DHRS12: variants seen among roughly 807,000 people sequenced by gnomAD.
DHRS12 encodes the protein dehydrogenase/reductase SDR family member 12.
Under a neutral mutation model 32.1 loss-of-function variants are expected in DHRS12, and 29 were observed. The observed-to-expected ratio is 0.90, with a 90% CI of 0.67 to 1.23. The LOEUF is 1.23. Among genes scored for constraint, DHRS12 ranks in the 50% most tolerant of loss-of-function variants. DHRS12 has a pLI of 0.00. For synonymous variants in DHRS12, 150 were observed against 135.9 expected, an observed-to-expected ratio of 1.10 and a Z score of -0.72; for missense variants, 330 against 337.2, an observed-to-expected ratio of 0.98 and a Z score of 0.17.
At chr13:51,776,857 G>A (rs1487252066) in intron 5 of DHRS12, among the ~76,000 whole-genome samples, 1 of 152,094 alleles carries the variant, frequency 6.6e-6, no homozygotes, top group Admixed American at 6.6e-5. Context: ...TCGGGGGTTG[G>A]GGGGGTTCAG....
intron 7 of DHRS12, chr13:51,770,667 A>T: frequency 1.3e-6 from 1 of 795,212 alleles, no homozygotes. Context: ...GTGAGGACTA[A>T]TTTCTGCCAA....
chr13:51,769,307 G>A lies in DHRS12; in HGVS notation c.560-14C>T. 1 of 1,539,038 alleles carries A rather than the reference G, an allele frequency of 6.5e-7. No homozygotes were observed. On this transcript the variant is annotated splice_polypyrimidine_tract_variant and intron_variant, in intron 7 of 8. Transcript: ENST00000444610. Reference sequence around the variant, plus strand: ...CCTGCCTCACACCTGGGAGAAGGAAGGGTCAGGCGGATTAGGACAGCATTC... The same window carrying A: ...CCTGCCTCACACCTGGGAGAAGGAAAGGTCAGGCGGATTAGGACAGCATTC...
chr13:51,767,107 G>C (rs1207997222), downstream of DHRS12: 1 of 152,270 alleles, frequency 6.6e-6, no homozygotes, highest in African/African-American at 2.4e-5. Context: ...GCCAGGGAAA[G>C]CCTCATTTAA....
chr13:51,758,132 A>G, the DHRS12 span: 15 of 1,279,596 alleles, frequency 1.2e-5, no homozygotes, highest in African/African-American at 1.4e-5. Context: ...GTCATCCTAG[A>G]TCTCTCTCAT....
At chr13:51,754,883 T>C in the DHRS12 span, among the ~76,000 whole-genome samples, 52 of 152,358 alleles carry the variant, frequency 3.4e-4, no homozygotes, top group African/African-American at 1.2e-3. Context: ...TATTTGTTTT[T>C]ACTACATAAT....
rs922781431 is a variant in DHRS12, at chr13:51,803,954, G to A, written c.-9+100C>T. The stretch of plus-strand genomic sequence containing the variant: ...ACACGCTTAGTCGGCCCAGCGAGAG[G>A]GCGAAGGAGCCGCGGGCGCGTCCCC... On this transcript the variant is annotated intron_variant, in intron 1 of 8. Transcript: ENST00000444610. 8 of 1,142,000 alleles carry A rather than the reference G, an allele frequency of 7.0e-6. No individual in the cohort carries two copies. In the African/African-American group the frequency reaches 1.1e-4, roughly 16 times the overall value. 70.7% of individuals were successfully genotyped at this position (1,142,000 alleles called of 1,614,324 possible).
intron 4 of DHRS12, among the ~76,000 whole-genome samples, chr13:51,787,797 T>TAATATATAATATATA (rs10657566): frequency 7.9e-6 from 1 of 125,988 alleles, no homozygotes; most frequent in African/African-American, 3.0e-5. Flanking sequence ...AATATATTAA[T>TAATATATAATATATA]ATATATTTAT....
At chr13:51,785,600 C>T (rs1345679305) in intron 4 of DHRS12, among the ~76,000 whole-genome samples, 1 of 152,166 alleles carries the variant, frequency 6.6e-6, no homozygotes, top group African/African-American at 2.4e-5. Flanking sequence ...TGAGAATATA[C>T]GTTGGCCAGA....
At chr13:51,757,500 C>A in the DHRS12 span, among the ~76,000 whole-genome samples, 1 of 151,396 alleles carries the variant, frequency 6.6e-6, no homozygotes, top group Middle Eastern at 3.2e-3. Flanking sequence ...GTGGAGTGGG[C>A]CCCTTGAAGC....
chr13:51,774,018 C>T lies in DHRS12; in HGVS notation c.380G>A (p.Gly127Glu), dbSNP rs1437899428. The part of the protein sequence containing the change: ...HDPRVITVSS[G>E]GMLVQKLNTN... ...GTTCAGTTTCTGAACCAACATTCCT[C>T]CTGAGGAGACGGTTATCTGCAATAA... The change falls in exon 6 of 9, where the codon GGA becomes GAA. Residue 127 changes from glycine (G) to glutamate (E), a missense_variant. By Grantham distance (98) the Gly-to-Glu change is moderately conservative. Coordinates refer to ENST00000444610, the MANE Select transcript of DHRS12 (RefSeq NM_001377533.1). 6.2e-7 allele frequency: 1 copy of T among 1,613,930 alleles called. No individual in the cohort carries two copies. The highest frequency in any genetic ancestry group is 1.7e-5 in the Admixed American group (1 of 60,016).
chr13:51,791,397 A>C, intron 2 of DHRS12, 140 bp from the exon 3 acceptor site: 1 of 457,302 alleles, frequency 2.2e-6, no homozygotes, highest in East Asian at 3.5e-5. Flanking sequence ...CCCACTCCTC[A>C]AAAATAAACC....
At chr13:51,792,449 G>C (rs1334504794) in intron 2 of DHRS12, among the ~76,000 whole-genome samples, 3 of 151,882 alleles carry the variant, frequency 2.0e-5, no homozygotes, top group Admixed American at 2.0e-4. Context: ...GCCCAGGCTA[G>C]AGTGCAGTGG....
At chr13:51,796,963 TCTC>T (rs1360651259) in intron 2 of DHRS12, among the ~76,000 whole-genome samples, 1 of 152,196 alleles carries the variant, frequency 6.6e-6, no homozygotes, top group Non-Finnish European at 1.5e-5. Context: ...GGGGCATTCT[TCTC>T]TTTGACCAGG....
chr13:51,773,433 G>T (rs927582860), intron 6 of DHRS12, among the ~76,000 whole-genome samples: 1 of 152,114 alleles, frequency 6.6e-6, no homozygotes, highest in African/African-American at 2.4e-5. Flanking sequence ...TTGGATTTTG[G>T]AGCATTTTGG....
intron 2 of DHRS12, chr13:51,798,056 G>A: frequency 1.3e-6 from 1 of 761,322 alleles, no homozygotes; most frequent in South Asian, 1.7e-5. Context: ...AGAGCAGCAA[G>A]GGCGATGGTG....
intron 3 of DHRS12, 67 bp downstream of exon 3, chr13:51,791,098 C>A: frequency 8.8e-7 from 1 of 1,133,346 alleles, no homozygotes; most frequent in Non-Finnish European, 1.3e-6. Flanking sequence ...ACATATCCGT[C>A]CACATCCACA....
chr13:51,794,613 G>C (rs552717484), intron 2 of DHRS12, among the ~76,000 whole-genome samples: 7 of 152,210 alleles, frequency 4.6e-5, no homozygotes, highest in Admixed American at 3.9e-4. Context: ...GAGGCCTGCA[G>C]GACTGAAAAA....
chr13:51,771,952 G>A, intron 6 of DHRS12, 41 bp from the exon 7 acceptor site: 1 of 1,600,318 alleles, frequency 6.2e-7, no homozygotes, highest in Non-Finnish European at 8.6e-7. Context: ...GAGAGAGGAG[G>A]CGCCATTAGG....
At chr13:51,778,885 A>C (rs1346038158) in intron 4 of DHRS12, among the ~76,000 whole-genome samples, 1 of 152,152 alleles carries the variant, frequency 6.6e-6, no homozygotes, top group Non-Finnish European at 1.5e-5. Flanking sequence ...TACACAATAT[A>C]TAAGTATGTA....
Sources: gnomAD v4.1 joint callset for allele counts (sites outside exome capture counted in the v4.1 genomes callset) on GRCh38, gnomAD v4.1.1 for gene constraint, MANE v1.5 for transcripts, NCBI Gene and HGNC (gene_info 2026-07-23, HGNC 2026-07-21) for gene names.